Variants in ZNF385D observed in about 807,000 individuals in gnomAD.
The protein encoded by ZNF385D is zinc finger protein 659.
Under a neutral mutation model 35.8 loss-of-function variants are expected in ZNF385D, and 15 were observed. The ratio of observed to expected loss-of-function variants is 0.42; its 90% confidence interval spans 0.28 to 0.64. ZNF385D has a LOEUF of 0.64. Ranked by LOEUF, ZNF385D falls within the 30% of genes least tolerant of loss-of-function variation. The pLI, the probability that ZNF385D is intolerant of heterozygous loss-of-function variation, is 0.23. For synonymous variants in ZNF385D, 212 were observed against 186.8 expected, an observed-to-expected ratio of 1.13 and a Z score of -1.10; for missense variants, 474 against 494.6, an observed-to-expected ratio of 0.96 and a Z score of 0.39.
chr3:22,066,838 A>T (rs1233753206), intron 3 of ZNF385D, among the ~76,000 whole-genome samples: 1 of 152,200 alleles, frequency 6.6e-6, no homozygotes, highest in Admixed American at 6.5e-5. Flanking sequence ...AATTGAAAAT[A>T]TATTTCCTTG....
intron 3 of ZNF385D, among the ~76,000 whole-genome samples, chr3:21,543,493 G>T (rs543084009): frequency 6.6e-6 from 1 of 152,172 alleles, no homozygotes; most frequent in African/African-American, 2.4e-5. Context: ...GCGGGGCTGG[G>T]ATGCATGGCC....
intron 1 of ZNF385D, among the ~76,000 whole-genome samples, chr3:21,736,976 G>A (rs2069273674): frequency 6.6e-6 from 1 of 152,086 alleles, no homozygotes; most frequent in African/African-American, 2.4e-5. Flanking sequence ...GTCTCGCTCC[G>A]TCGCCCAGGC....
At chr3:22,030,474 A>AGAGAGAGAGGGAGGGAGAGAGG (rs1559316876) in intron 3 of ZNF385D, among the ~76,000 whole-genome samples, 1 of 149,296 alleles carries the variant, frequency 6.7e-6, no homozygotes, top group African/African-American at 2.5e-5. Context: ...AGGGAGAGAG[A>AGAGAGAGAGGGAGGGAGAGAGG]GAGACACAGA....
intron 2 of ZNF385D, among the ~76,000 whole-genome samples, chr3:21,635,374 CA>C (rs546576214): frequency 3.3e-4 from 50 of 152,192 alleles, no homozygotes; most frequent in African/African-American, 9.4e-4. Context: ...CTAATTTAAT[CA>C]TCATGACTTT....
At chr3:21,841,828 A>C (rs909604026) in intron 3 of ZNF385D, among the ~76,000 whole-genome samples, 1 of 151,706 alleles carries the variant, frequency 6.6e-6, no homozygotes, top group African/African-American at 2.4e-5. Context: ...GTAAATTCGC[A>C]ATTCATACAT....
intron 3 of ZNF385D, among the ~76,000 whole-genome samples, chr3:22,112,425 C>T (rs1480649788): frequency 3.3e-5 from 5 of 151,938 alleles, no homozygotes; most frequent in African/African-American, 9.7e-5. Context: ...TTTTAGAGGA[C>T]GTAAAAAGAA....
At chr3:22,108,004 C>T (rs1559374757) in intron 3 of ZNF385D, among the ~76,000 whole-genome samples, 1 of 151,558 alleles carries the variant, frequency 6.6e-6, no homozygotes, top group Non-Finnish European at 1.5e-5. Flanking sequence ...TGCCCTTCTG[C>T]CTTATACCAT....
chr3:21,519,131 G>T (rs1265470031), intron 3 of ZNF385D, among the ~76,000 whole-genome samples: 7 of 152,046 alleles, frequency 4.6e-5, no homozygotes, highest in African/African-American at 1.7e-4. Flanking sequence ...AAAAAAAGGG[G>T]GGGAAAGATA....
At chr3:21,693,355 A>T (rs2067346716) in intron 1 of ZNF385D, among the ~76,000 whole-genome samples, 1 of 152,052 alleles carries the variant, frequency 6.6e-6, no homozygotes. Flanking sequence ...CATATCAGTG[A>T]TCATCTTGGG....
At chr3:21,766,552 C>G (rs997974065) in intron 3 of ZNF385D, among the ~76,000 whole-genome samples, 7 of 152,078 alleles carry the variant, frequency 4.6e-5, no homozygotes, top group African/African-American at 1.7e-4. Context: ...TCTGGTAACT[C>G]ACTATATATC....
chr3:22,008,883 T>A (rs1497934), intron 3 of ZNF385D, among the ~76,000 whole-genome samples: 124,354 of 152,216 alleles, frequency 0.82, 51,946 homozygotes, highest in African/African-American at 0.95. Context: ...TTTAGGAAAG[T>A]AGAATATCTG....
chr3:22,039,118 T>C (rs766946601), intron 3 of ZNF385D, among the ~76,000 whole-genome samples: 1 of 151,666 alleles, frequency 6.6e-6, no homozygotes, highest in African/African-American at 2.4e-5. Context: ...GAGCCAGAAG[T>C]GGAAGCATAT....
intron 2 of ZNF385D, among the ~76,000 whole-genome samples, chr3:21,580,166 A>G (rs1318792395): frequency 6.6e-6 from 1 of 152,222 alleles, no homozygotes; most frequent in Non-Finnish European, 1.5e-5. Flanking sequence ...ACTAAAAGGA[A>G]AAGTTCAAAC....
At chr3:21,649,338 A>T (rs182593557) in intron 2 of ZNF385D, among the ~76,000 whole-genome samples, 6 of 152,256 alleles carry the variant, frequency 3.9e-5, no homozygotes, top group East Asian at 3.9e-4. Context: ...AGTTTCTGAG[A>T]TAACATGGAC....
chr3:22,258,044 G>C (rs757944704), intron 2 of ZNF385D, among the ~76,000 whole-genome samples: 18 of 151,782 alleles, frequency 1.2e-4, no homozygotes, highest in Non-Finnish European at 2.5e-4. Context: ...AAAGATCAGA[G>C]TTAAATGTTT....
At chr3:21,481,015 G>T (rs2125376358) in intron 4 of ZNF385D, among the ~76,000 whole-genome samples, 1 of 152,216 alleles carries the variant, frequency 6.6e-6, no homozygotes, top group East Asian at 1.9e-4. Flanking sequence ...TATGTGAGTT[G>T]ATTAACTGAA....
intron 3 of ZNF385D, among the ~76,000 whole-genome samples, chr3:22,083,263 G>C (rs926942592): frequency 1.3e-5 from 2 of 151,932 alleles, no homozygotes; most frequent in Non-Finnish European, 2.9e-5. Context: ...GGCTTCAGAA[G>C]GTCGGTAATA....
intron 3 of ZNF385D, among the ~76,000 whole-genome samples, chr3:21,552,417 T>C (rs992914260): frequency 1.3e-5 from 2 of 152,210 alleles, no homozygotes; most frequent in Non-Finnish European, 2.9e-5. Flanking sequence ...TATTCACATA[T>C]AATGATACAA....
At chr3:21,983,626 C>T (rs1239843270) in intron 3 of ZNF385D, among the ~76,000 whole-genome samples, 287 of 132,858 alleles carry the variant, frequency 2.2e-3, no homozygotes, top group African/African-American at 5.4e-3. Flanking sequence ...AATAAACATA[C>T]GTGTGCATGT....
Sources: allele counts gnomAD v4.1 joint callset (sites outside exome capture counted in the v4.1 genomes callset), GRCh38; gene constraint gnomAD v4.1.1; transcripts MANE v1.5; gene names NCBI Gene and HGNC (gene_info 2026-07-23, HGNC 2026-07-21).